Variants in SMARCD3 observed in about 807,000 individuals in gnomAD.
SMARCD3 encodes the protein SWI/SNF related BAF chromatin remodeling complex subunit D3.
SMARCD3 carries 14 observed loss-of-function variants against 58.0 expected under a neutral mutation model. The observed-to-expected ratio is 0.24, with a 90% CI of 0.16 to 0.38. SMARCD3 has a LOEUF of 0.38. Ranked by LOEUF, SMARCD3 falls within the 10% of genes least tolerant of loss-of-function variation. The probability of loss-of-function intolerance (pLI) is 1.00; values close to 1 mark genes in which losing one functional copy is unlikely to be tolerated. For synonymous variants in SMARCD3, 253 were observed against 253.8 expected (o/e 1.00, Z 0.03); for missense variants, 408 against 636.9 (o/e 0.64, Z 3.87).
chr7:151,240,463 T>C lies in SMARCD3; in HGVS notation c.999A>G (p.Leu333=), dbSNP rs928608768. 25 of 1,613,732 alleles carry C rather than the reference T, an allele frequency of 1.5e-5. No homozygotes were observed. Among genetic ancestry groups the C allele is most frequent in the Non-Finnish European group, 1.9e-5 (23 of 1,179,982 alleles). The change falls in exon 9 of 13, where the codon CTA becomes CTG. Residue 333 remains leucine (L), a synonymous_variant. Transcript: ENST00000262188. ...TGATGACAATTGGGTCAGGGGGCAATAGCAGGGCTGTGAGGCGCTGGGGAA... is the reference window on the plus strand; with the variant it reads ...TGATGACAATTGGGTCAGGGGGCAACAGCAGGGCTGTGAGGCGCTGGGGAA... ...SEIPQRLTAL[L]LPPDPIVINH... is the part of the protein sequence containing the mutation.
At chr7:151,247,844 ATGTTC>A (rs1803346378) in intron 1 of SMARCD3, among the ~76,000 whole-genome samples, 1 of 151,920 alleles carries the variant, frequency 6.6e-6, no homozygotes, top group African/African-American at 2.4e-5. Flanking sequence ...CTTCCTTCAC[ATGTTC>A]GAGGAGTTAA....
Position 151,239,693 on chromosome 7 carries a change from C to T in SMARCD3, c.1227G>A (p.Met409Ile). Residue 409 changes from methionine to isoleucine, a missense_variant, in exon 11 of 13, where the codon ATG becomes ATA. By Grantham distance (10) the Met-to-Ile change is conservative. Coordinates refer to ENST00000262188, the MANE Select transcript of SMARCD3 (RefSeq NM_001003801.2). The surrounding 1 kb of genome is among the most constrained non-coding windows in gnomAD (Gnocchi z 7.0). ...CTTTGGGGTCTCTGGAGAAGCTTAGCATGAAGTCCCTCTGGATCTTGAGCT... is the reference window on the plus strand; with the variant it reads ...CTTTGGGGTCTCTGGAGAAGCTTAGTATGAAGTCCCTCTGGATCTTGAGCT... ...INQLKIQRDF[M>I]LSFSRDPKGY... is the part of the protein sequence containing the mutation. 4 of 1,613,992 alleles carry T rather than the reference C, an allele frequency of 2.5e-6. No homozygotes were observed. Among genetic ancestry groups the T allele is most frequent in the Non-Finnish European group, 3.4e-6 (4 of 1,179,942 alleles).
Position 151,241,051 on chromosome 7 carries a change from T to A in SMARCD3, c.939+441A>T. On this transcript the variant is annotated intron_variant, in intron 8 of 12. Coordinates refer to ENST00000262188, the MANE Select transcript of SMARCD3 (RefSeq NM_001003801.2). This position sits in a 1 kb window ranked among gnomAD's most constrained non-coding sequence, Gnocchi z 5.3. ...TCTGTTTTGGTGGAATTTTGCTCAA[T>A]CACTTTTGCAGCAATTTGATTTTCC... 1 of 239,538 alleles carries A rather than the reference T, an allele frequency of 4.2e-6. No individual in the cohort carries two copies. Among genetic ancestry groups the A allele is most frequent in the Non-Finnish European group, 8.3e-6 (1 of 120,680 alleles). The allele number at this position is 239,538 out of a possible 1,614,324, so 14.8% of individuals were successfully genotyped here.
intron 2 of SMARCD3, among the ~76,000 whole-genome samples, chr7:151,262,231 C>T (rs1803940192): frequency 6.6e-6 from 1 of 152,128 alleles, no homozygotes; most frequent in Non-Finnish European, 1.5e-5. Context: ...CAGGCACATG[C>T]CACCATGCCC....
At chr7:151,261,048 G>T (rs558705469) in intron 2 of SMARCD3, among the ~76,000 whole-genome samples, 17 of 152,156 alleles carry the variant, frequency 1.1e-4, no homozygotes, top group African/African-American at 3.9e-4. Context: ...AGGGGTGGGC[G>T]GTGGGGAGGC....
At chr7:151,263,627 C>G (rs1433800905) in intron 2 of SMARCD3, among the ~76,000 whole-genome samples, 2 of 152,184 alleles carry the variant, frequency 1.3e-5, no homozygotes, top group African/African-American at 2.4e-5. Context: ...CTTGGCCCTC[C>G]TATTTAATCC....
intron 2 of SMARCD3, among the ~76,000 whole-genome samples, chr7:151,244,200 C>T (rs1803145277): frequency 6.6e-6 from 1 of 152,074 alleles, no homozygotes; most frequent in Admixed American, 6.5e-5. Context: ...GACTTGCACC[C>T]CTTCCAGCCA....
intron 2 of SMARCD3, among the ~76,000 whole-genome samples, chr7:151,273,124 G>A (rs1474194216): frequency 1.3e-5 from 2 of 152,340 alleles, no homozygotes; most frequent in East Asian, 3.9e-4. Context: ...GCACACCGCC[G>A]ATTGCATGTG....
At chr7:151,277,110 C>A (rs1795372402), upstream of SMARCD3, 1 of 150,316 alleles carries the variant, frequency 6.7e-6, no homozygotes, top group Non-Finnish European at 1.5e-5. Flanking sequence ...GGAGCGCGGC[C>A]GCCCGCTCCC....
chr7:151,242,007 C>T lies in SMARCD3; in HGVS notation c.676-29G>A. 1 of 1,590,436 alleles carries T rather than the reference C, an allele frequency of 6.3e-7. No individual in the cohort carries two copies. Among genetic ancestry groups the T allele is most frequent in the Non-Finnish European group, 8.6e-7 (1 of 1,160,778 alleles). The stretch of plus-strand genomic sequence containing the variant: ...TCCAGGAGAGAAGAGCTGTGTCTCC[C>T]AAAGGCCCATCTGGAGTGGTGGGGC... On this transcript the variant is annotated intron_variant, in intron 6 of 12. Coordinates refer to ENST00000262188, the MANE Select transcript of SMARCD3 (RefSeq NM_001003801.2). The surrounding 1 kb of genome is among the most constrained non-coding windows in gnomAD (Gnocchi z 4.7).
Position 151,238,811 on chromosome 7 carries a change from T to G in SMARCD3, c.*292A>C. 8 of 1,537,952 alleles carry G rather than the reference T, an allele frequency of 5.2e-6. No individual in the cohort carries two copies. Among genetic ancestry groups the G allele is most frequent in the Non-Finnish European group, 7.0e-6 (8 of 1,145,610 alleles). ...AAATATGAAAATGTTATTAAACATG[T>G]CTTCTGCCAAACTGTTTTTAGGTCT... On this transcript the variant is annotated 3_prime_UTR_variant, in exon 13 of 13. Coordinates refer to ENST00000262188, the MANE Select transcript of SMARCD3 (RefSeq NM_001003801.2).
At chr7:151,275,082 G>A in intron 2 of SMARCD3, 2 of 1,600,200 alleles carry the variant, frequency 1.2e-6, no homozygotes, top group Non-Finnish European at 1.7e-6. Context: ...CAGAGCTTCT[G>A]CTCCTGGGCT....
At chr7:151,268,189 A>G (rs1261144191) in intron 2 of SMARCD3, among the ~76,000 whole-genome samples, 14 of 152,160 alleles carry the variant, frequency 9.2e-5, no homozygotes, top group Admixed American at 9.2e-4. Flanking sequence ...ACTGTGTCCT[A>G]AACACTTTAA....
Position 151,240,733 on chromosome 7 carries a change from G to A in SMARCD3, c.940-211C>T, listed in dbSNP as rs970999008. On this transcript the variant is annotated intron_variant, in intron 8 of 12. Transcript: ENST00000262188. ...GGGGGTGGGTCAGTGTGGGGCAGGG[G>A]TTGAGAGTGCGGGCCCTGGGTCAGC... The A allele has an allele frequency of 5.2e-6, 3 of 571,884 alleles. No individual in the cohort carries two copies. In the East Asian group the frequency reaches 8.8e-5, roughly 17 times the overall value. 35.4% of individuals were successfully genotyped at this position (571,884 alleles called of 1,614,324 possible).
At chr7:151,274,511 C>T (rs1290433029) in intron 2 of SMARCD3, among the ~76,000 whole-genome samples, 1 of 152,238 alleles carries the variant, frequency 6.6e-6, no homozygotes, top group Non-Finnish European at 1.5e-5. Flanking sequence ...TGGGGCAGGG[C>T]AGGGTTGGCT....
At chr7:151,274,670 G>C (rs983428973) in intron 2 of SMARCD3, among the ~76,000 whole-genome samples, 3 of 152,246 alleles carry the variant, frequency 2.0e-5, no homozygotes, top group African/African-American at 7.2e-5. Context: ...AGAGCATGTG[G>C]TGTGTGTGCA....
In SMARCD3 at chr7:151,243,845, C is replaced by G; in HGVS notation, c.291-144G>C. ...TTGTCTGCCCGCCCAAGGGCTGTGA[C>G]GGTGGTGTGTGGAACCGGTGCTCTG... On this transcript the variant is annotated intron_variant, in intron 2 of 12. Transcript: ENST00000262188. This position sits in a 1 kb window ranked among gnomAD's most constrained non-coding sequence, Gnocchi z 4.4. The G allele has an allele frequency of 4.0e-6, 3 of 743,376 alleles. No individual in the cohort carries two copies. Among genetic ancestry groups the G allele is most frequent in the Non-Finnish European group, 2.5e-6 (1 of 405,730 alleles). 46.0% of individuals were successfully genotyped at this position (743,376 alleles called of 1,614,324 possible).
chr7:151,239,280 A>G lies in SMARCD3; in HGVS notation c.1398+116T>C. On this transcript the variant is annotated intron_variant, in intron 12 of 12. Coordinates refer to ENST00000262188, the MANE Select transcript of SMARCD3 (RefSeq NM_001003801.2). The surrounding 1 kb of genome is among the most constrained non-coding windows in gnomAD (Gnocchi z 7.0). ...GAGCAGGGAGGGCCATTGCATGGTG[A>G]GGCAGCGTGGTGAAGCTTTACTGTG... 1 of 1,323,494 alleles carries G rather than the reference A, an allele frequency of 7.6e-7. No individual in the cohort carries two copies. Among genetic ancestry groups the G allele is most frequent in the Non-Finnish European group, 1.1e-6 (1 of 917,480 alleles). 82.0% of individuals were successfully genotyped at this position (1,323,494 alleles called of 1,614,324 possible).
Position 151,248,488 on chromosome 7 carries a change from C to T in SMARCD3, c.75G>A (p.Gly25=). The change falls in exon 1 of 13, where the codon GGG becomes GGA. Residue 25 remains glycine (G), a synonymous_variant. Transcript: ENST00000262188. This position sits in a 1 kb window ranked among gnomAD's most constrained non-coding sequence, Gnocchi z 6.1. ...KSKLFEFLVH[G]VRPGMPSGAR... is the part of the protein sequence containing the mutation. ...CCGCTAACTTTCCCCCACTCACCACCCCATGGACCAGAAACTCAAAAAGTT... is the reference window on the plus strand; with the variant it reads ...CCGCTAACTTTCCCCCACTCACCACTCCATGGACCAGAAACTCAAAAAGTT... 1 of 1,612,326 alleles carries T rather than the reference C, an allele frequency of 6.2e-7. No individual in the cohort carries two copies. The highest frequency in any genetic ancestry group is 1.1e-5 in the South Asian group (1 of 90,882).
Sources: allele counts gnomAD v4.1 joint callset (sites outside exome capture counted in the v4.1 genomes callset), GRCh38; gene constraint gnomAD v4.1.1; non-coding constraint Gnocchi (gnomAD v3.1); transcripts MANE v1.5; gene names NCBI Gene and HGNC (gene_info 2026-07-23, HGNC 2026-07-21).